Variants in ZNF16 observed in about 807,000 individuals in gnomAD.
The protein encoded by ZNF16 is zinc finger protein KOX9.
A neutral mutation model predicts 9.0 loss-of-function variants in ZNF16; 7 were observed. The ratio of observed to expected loss-of-function variants is 0.78; its 90% CI spans 0.44 to 1.47. The LOEUF (loss-of-function observed/expected upper bound fraction) is 1.47. Among genes scored for constraint, ZNF16 ranks in the 40% most tolerant of loss-of-function variants. The pLI, the probability that ZNF16 is intolerant of heterozygous loss-of-function variation, is 0.01. For missense variants in ZNF16, 830 were observed against 854.2 expected, an observed-to-expected ratio of 0.97 and a Z score of 0.35; for synonymous variants, 312 against 301.5, an observed-to-expected ratio of 1.03 and a Z score of -0.36.
chr8:144,943,253 C>T (rs995953653), intron 2 of ZNF16, among the ~76,000 whole-genome samples: 1 of 152,090 alleles, frequency 6.6e-6, no homozygotes, highest in African/African-American at 2.4e-5. Context: ...AGGGATAGGT[C>T]TCCTCTCTTG....
chr8:144,935,696 C>T (rs535776044), intron 2 of ZNF16, among the ~76,000 whole-genome samples: 16 of 152,294 alleles, frequency 1.1e-4, no homozygotes, highest in South Asian at 2.1e-4. Context: ...AAGACTTTTA[C>T]GATGAGTGAC....
chr8:144,939,388 T>C (rs1833751657), intron 2 of ZNF16, among the ~76,000 whole-genome samples: 1 of 152,078 alleles, frequency 6.6e-6, no homozygotes, highest in African/African-American at 2.4e-5. Context: ...GTGGATTGCC[T>C]GAGCTCAGGA....
In ZNF16 at chr8:144,931,703, A is replaced by G. The variant is rs750542546; in HGVS notation, c.1084T>C (p.Ser362Pro). The stretch of plus-strand genomic sequence containing the variant: ...GTCCTGTGGTGTTTGATGAGGTTTG[A>G]GCTTCGCCTGAAGGCCTTCCCACAC... The part of the protein sequence containing the change: ...SECGKAFRRS[S>P]NLIKHHRTHT... The change falls in exon 3 of 3, where the codon TCA becomes CCA. Residue 362 changes from serine (S) to proline (P), a missense_variant. Coordinates refer to ENST00000394909, the MANE Select transcript of ZNF16 (RefSeq NM_006958.3). The G allele has an allele frequency of 4.3e-6, 7 of 1,613,608 alleles. No individual in the cohort carries two copies. The highest frequency in any genetic ancestry group is 5.1e-6 in the Non-Finnish European group (6 of 1,179,846).
In ZNF16 at chr8:144,931,718, C is replaced by G. The variant is rs145028977; in HGVS notation, c.1069G>C (p.Ala357Pro). 0.013 allele frequency: 21,155 copies of G among 1,614,044 alleles called. 163 individuals are homozygous for G. The highest frequency in any genetic ancestry group is 0.016 in the Non-Finnish European group (18,746 of 1,180,000). ...ATGAGGTTTGAGCTTCGCCTGAAGG[C>G]CTTCCCACACTCACTGCACACATAC... is the stretch of plus-strand genomic sequence containing the variant. ...KPYVCSECGK[A>P]FRRSSNLIKH... The change falls in exon 3 of 3, where the codon GCC becomes CCC. Residue 357 changes from alanine to proline, a missense_variant. Coordinates refer to ENST00000394909, the MANE Select transcript of ZNF16 (RefSeq NM_006958.3).
chr8:144,932,436 GTC>G lies in ZNF16; in HGVS notation c.349_350del (p.Asp117LeufsTer28), dbSNP rs750488720. On this transcript the variant is annotated frameshift_variant, in exon 3 of 3. Coordinates refer to ENST00000394909, the MANE Select transcript of ZNF16 (RefSeq NM_006958.3). LOFTEE classifies it low-confidence loss of function (END_TRUNC). This position sits in a 1 kb window ranked among gnomAD's most constrained non-coding sequence, Gnocchi z 5.0. ...GDLCDDVSER[D>X]WGVPEGRRLP... ...GCCTCCTGCCTTCGGGGACTCCCCA[GTC>G]TCTTTCTGATACATCATCACACAGA... 4.3e-6 allele frequency: 7 copies of G among 1,614,184 alleles called. No individual in the cohort carries two copies. Among genetic ancestry groups the G allele is most frequent in the South Asian group, 1.1e-5 (1 of 91,090 alleles).
Position 144,931,605 on chromosome 8 carries a change from C to A in ZNF16, c.1182G>T (p.Lys394Asn), listed in dbSNP as rs754739723. The change falls in exon 3 of 3, where the codon AAG becomes AAT. Residue 394 changes from lysine to asparagine, a missense_variant. By Grantham distance (94) the Lys-to-Asn change is moderately conservative. Coordinates refer to ENST00000394909, the MANE Select transcript of ZNF16 (RefSeq NM_006958.3). ...KAFSQSAHLR[K>N]HQRVHTGEKP... is the part of the protein sequence containing the mutation. The stretch of plus-strand genomic sequence containing the variant: ...TCTCTCCAGTGTGGACCCTCTGGTG[C>A]TTCCTCAGGTGTGCACTCTGGCTGA... 24 of 1,614,012 alleles carry A rather than the reference C, an allele frequency of 1.5e-5. No individual in the cohort carries two copies. The Admixed American group carries it at 3.2e-4, about 21-fold the overall frequency.
chr8:144,945,850 T>C (rs1223757066), intron 2 of ZNF16, 161 bp downstream of exon 2: 6 of 1,377,302 alleles, frequency 4.4e-6, no homozygotes, highest in Middle Eastern at 1.9e-4. Context: ...CAGGCTAGGT[T>C]AACTTCCTTG....
chr8:144,932,102 T>C lies in ZNF16; in HGVS notation c.685A>G (p.Ile229Val). 1 of 1,614,142 alleles carries C rather than the reference T, an allele frequency of 6.2e-7. No individual in the cohort carries two copies. Among genetic ancestry groups the C allele is most frequent in the African/African-American group, 1.3e-5 (1 of 75,030 alleles). ...QGNPDLIQRQ[I>V]VHTGEASFMC... ...AAGGAAGCCTCCCCAGTGTGGACTATTTGACGCTGAATAAGGTCAGGATTT... is the reference window on the plus strand; with the variant it reads ...AAGGAAGCCTCCCCAGTGTGGACTACTTGACGCTGAATAAGGTCAGGATTT... The change falls in exon 3 of 3, where the codon ATA becomes GTA. Residue 229 changes from isoleucine (I) to valine (V), a missense_variant. Transcript: ENST00000394909. This position sits in a 1 kb window ranked among gnomAD's most constrained non-coding sequence, Gnocchi z 5.0.
Position 144,931,899 on chromosome 8 carries a change from A to T in ZNF16, c.888T>A (p.Asn296Lys), listed in dbSNP as rs765531218. ...HHSSERPYMC[N>K]ECGKAFSQNS... ...TCTGGCTGAAGGCTTTTCCACATTC[A>T]TTACACATATAAGGCCTCTCACTGC... Residue 296 changes from asparagine (N) to lysine (K), a missense_variant, in exon 3 of 3, where the codon AAT (asparagine) becomes AAA (lysine). Coordinates refer to ENST00000394909, the MANE Select transcript of ZNF16 (RefSeq NM_006958.3). The T allele has an allele frequency of 1.2e-6, 2 of 1,614,036 alleles. No homozygotes were observed. The highest frequency in any genetic ancestry group is 2.2e-5 in the East Asian group (1 of 44,890).
At chr8:144,942,493 G>A (rs1207737430) in intron 2 of ZNF16, among the ~76,000 whole-genome samples, 1 of 150,454 alleles carries the variant, frequency 6.6e-6, no homozygotes, top group Non-Finnish European at 1.5e-5. Context: ...TCACCATGTT[G>A]GCCAGGCTGG....
intron 1 of ZNF16, among the ~76,000 whole-genome samples, chr8:144,949,913 A>G (rs968351698): frequency 8.5e-5 from 13 of 152,108 alleles, no homozygotes; most frequent in Non-Finnish European, 1.3e-4. Context: ...AAAAGAGAAA[A>G]GCCTCTTGCA....
intron 2 of ZNF16, among the ~76,000 whole-genome samples, chr8:144,938,909 TATTAC>T (rs1254192747): frequency 6.7e-6 from 1 of 149,550 alleles, no homozygotes; most frequent in Admixed American, 6.7e-5. Context: ...GGTCCTCTTC[TATTAC>T]AAGTTTTATG....
rs1461587690 is a variant in ZNF16, at chr8:144,930,876, G to C, written c.1911C>G (p.Ala637=). The C allele has an allele frequency of 6.2e-7, 1 of 1,608,462 alleles. No individual in the cohort carries two copies. Among genetic ancestry groups the C allele is most frequent in the Admixed American group, 1.7e-5 (1 of 59,726 alleles). ...RPYKCSECGK[A]FSQRSVLIQH... ...GGATGAGGACCGAACGCTGACTGAAGGCTTTCCCACACTCACTGCATTTGT... is the reference window on the plus strand; with the variant it reads ...GGATGAGGACCGAACGCTGACTGAACGCTTTCCCACACTCACTGCATTTGT... Residue 637 remains alanine, a synonymous_variant, in exon 3 of 3, where the codon GCC becomes GCG. Coordinates refer to ENST00000394909, the MANE Select transcript of ZNF16 (RefSeq NM_006958.3).
chr8:144,930,606 A>C lies in ZNF16; in HGVS notation c.*132T>G. 5.3e-6 allele frequency: 5 copies of C among 941,820 alleles called. No individual in the cohort carries two copies. Among genetic ancestry groups the C allele is most frequent in the Non-Finnish European group, 7.8e-6 (5 of 640,778 alleles). 58.3% of individuals were successfully genotyped at this position (941,820 alleles called of 1,614,324 possible). On this transcript the variant is annotated 3_prime_UTR_variant, in exon 3 of 3. Coordinates refer to ENST00000394909, the MANE Select transcript of ZNF16 (RefSeq NM_006958.3). ...ATGTTTCAAAGGAGGGTCCCAGGCTATGTGGCCACTGGATGTAGGCAGTGA... is the reference window on the plus strand; with the variant it reads ...ATGTTTCAAAGGAGGGTCCCAGGCTCTGTGGCCACTGGATGTAGGCAGTGA...
intron 2 of ZNF16, among the ~76,000 whole-genome samples, chr8:144,941,203 C>T (rs1833789368): frequency 6.6e-6 from 1 of 152,170 alleles, no homozygotes; most frequent in South Asian, 2.1e-4. Flanking sequence ...CTATTTCTCC[C>T]TTCCAATCTG....
intron 1 of ZNF16, among the ~76,000 whole-genome samples, chr8:144,947,385 C>A (rs1833990395): frequency 1.3e-5 from 2 of 152,012 alleles, no homozygotes; most frequent in African/African-American, 4.8e-5. Flanking sequence ...GGGCCTGTAT[C>A]CTGCTGTGGG....
Position 144,931,235 on chromosome 8 carries a change from C to A in ZNF16, c.1552G>T (p.Ala518Ser). The change falls in exon 3 of 3, where the codon GCC (alanine) becomes TCC (serine). Residue 518 changes from alanine to serine, a missense_variant. Ala to Ser is a moderately conservative substitution (Grantham distance 99, BLOSUM62 1). Transcript: ENST00000394909. ...QGVHTGDKPY[A>S]CHECGKTFGR... ...AAGGTCTTCCCACACTCGTGGCAGG[C>A]GTAGGGCTTGTCGCCTGTGTGCACG... 1 of 1,612,656 alleles carries A rather than the reference C, an allele frequency of 6.2e-7. No individual in the cohort carries two copies. Among genetic ancestry groups the A allele is most frequent in the Non-Finnish European group, 8.5e-7 (1 of 1,179,828 alleles).
chr8:144,946,600 CTGCTGTTGGGCTT>C (rs1563925701), intron 1 of ZNF16, among the ~76,000 whole-genome samples: 4 of 125,628 alleles, frequency 3.2e-5, no homozygotes, highest in African/African-American at 1.3e-4. Flanking sequence ...GGTCTGTATC[CTGCTGTTGGGCTT>C]GTGTCCTGCT....
In ZNF16 at chr8:144,945,904, C is replaced by T. The variant is rs192210466; in HGVS notation, c.196+107G>A. The T allele has an allele frequency of 4.7e-5, 70 of 1,494,656 alleles. No homozygotes were observed. In the East Asian group the frequency reaches 1.7e-3, roughly 35 times the overall value. The allele number at this position is 1,494,656 out of a possible 1,614,324, so 92.6% of individuals were successfully genotyped here. On this transcript the variant is annotated intron_variant, in intron 2 of 2. Coordinates refer to ENST00000394909, the MANE Select transcript of ZNF16 (RefSeq NM_006958.3). ...TCCTTGAGTCAGAGTACCCCGTCAC[C>T]CTCCCTACCTGTGATGACACAGATG...
Sources: gnomAD v4.1 joint callset for allele counts (sites outside exome capture counted in the v4.1 genomes callset) on GRCh38, gnomAD v4.1.1 for gene constraint, Gnocchi (gnomAD v3.1) non-coding constraint, MANE v1.5 for transcripts, NCBI Gene and HGNC (gene_info 2026-07-23, HGNC 2026-07-21) for gene names.